The following SLCO1A2 variants were observed in gnomAD, a reference collection of about 807,000 sequenced individuals.
The protein encoded by SLCO1A2 is OATP-1.
In SLCO1A2, 67 loss-of-function variants were observed where a neutral mutation model predicts 69.0. That is an observed-to-expected ratio of 0.97 (90% CI 0.80 to 1.19). The LOEUF is 1.19. Among genes scored for constraint, SLCO1A2 ranks in the 50% most tolerant of loss-of-function variants. The pLI is 0.00. For missense variants in SLCO1A2, 787 were observed against 793.7 expected (o/e 0.99, Z 0.10); for synonymous variants, 260 against 265.9 (o/e 0.98, Z 0.22).
At chr12:21,314,927 GAGA>G (rs1468763159) in intron 3 of SLCO1A2, among the ~76,000 whole-genome samples, 2 of 152,190 alleles carry the variant, frequency 1.3e-5, no homozygotes, top group African/African-American at 4.8e-5. Flanking sequence ...TTACAGAGGG[GAGA>G]AGAAGAGAAG....
At chr12:21,419,530 A>C (rs1192439846), upstream of SLCO1A2, 1 of 153,920 alleles carries the variant, frequency 6.5e-6, no homozygotes, top group Non-Finnish European at 1.4e-5. Flanking sequence ...AAAATGGTGC[A>C]GCACGAGACT....
At chr12:21,275,474 T>TATC (rs1943653992) in intron 12 of SLCO1A2, 50 bp from the exon 13 acceptor site, 3 of 1,350,184 alleles carry the variant, frequency 2.2e-6, no homozygotes, top group Admixed American at 3.2e-5. Context: ...GATTTAAAAC[T>TATC]ATCATATTGT....
intron 1 of SLCO1A2, among the ~76,000 whole-genome samples, chr12:21,386,094 T>A (rs957041260): frequency 1.3e-5 from 2 of 152,190 alleles, no homozygotes; most frequent in African/African-American, 2.4e-5. Flanking sequence ...ATGTAAAGAA[T>A]GTCCTGCTGT....
At chr12:21,325,377 A>G (rs1952142704) in intron 2 of SLCO1A2, among the ~76,000 whole-genome samples, 1 of 152,138 alleles carries the variant, frequency 6.6e-6, no homozygotes, top group South Asian at 2.1e-4. Flanking sequence ...AATCCTATCA[A>G]CCTGTACATT....
At chr12:21,387,548 G>T (rs1321451836) in intron 1 of SLCO1A2, among the ~76,000 whole-genome samples, 1 of 152,224 alleles carries the variant, frequency 6.6e-6, no homozygotes, top group Non-Finnish European at 1.5e-5. Context: ...GTATGGTATT[G>T]ACCCTACGGG....
At chr12:21,316,508 C>G (rs1950881571) in intron 3 of SLCO1A2, among the ~76,000 whole-genome samples, 1 of 151,844 alleles carries the variant, frequency 6.6e-6, no homozygotes, top group Non-Finnish European at 1.5e-5. Flanking sequence ...AGTTCTTCAT[C>G]CTTGTCTAAC....
At chr12:21,349,144 A>G (rs569944992) in intron 2 of SLCO1A2, among the ~76,000 whole-genome samples, 2 of 152,262 alleles carry the variant, frequency 1.3e-5, no homozygotes, top group South Asian at 4.2e-4. Flanking sequence ...GTGAGGCAAT[A>G]ATATTTGTAT....
At chr12:21,324,310 TC>T (rs1229181635) in intron 2 of SLCO1A2, among the ~76,000 whole-genome samples, 1 of 152,238 alleles carries the variant, frequency 6.6e-6, no homozygotes, top group Non-Finnish European at 1.5e-5. Context: ...TCTCTAGCCC[TC>T]CTTTTCTATT....
In SLCO1A2 at chr12:21,297,468, G is replaced by A. The variant is rs756765834; in HGVS notation, c.1011C>T (p.Ser337=). 1.9e-6 allele frequency: 3 copies of A among 1,612,354 alleles called. No homozygotes were observed. Among genetic ancestry groups the A allele is most frequent in the Non-Finnish European group, 2.5e-6 (3 of 1,178,684 alleles). ...IQFNAFVNMI[S]FMPKYLEQQY... Reference sequence around the variant, plus strand: ...GCTGTTCTAGGTATTTAGGCATGAAGGAGATCATGTTAACGAATGCATTGA... The same window carrying A: ...GCTGTTCTAGGTATTTAGGCATGAAAGAGATCATGTTAACGAATGCATTGA... Residue 337 remains serine (S), a synonymous_variant, in exon 9 of 15, where the codon TCC becomes TCT. Coordinates refer to ENST00000683939, the MANE Select transcript of SLCO1A2 (RefSeq NM_001386879.1).
chr12:21,364,617 G>T (rs1939219337), intron 2 of SLCO1A2, among the ~76,000 whole-genome samples: 1 of 152,174 alleles, frequency 6.6e-6, no homozygotes, highest in Non-Finnish European at 1.5e-5. Flanking sequence ...TGTCCCTGTT[G>T]CAGAGGACAT....
chr12:21,332,616 G>A (rs2136949775), intron 2 of SLCO1A2, among the ~76,000 whole-genome samples: 1 of 152,186 alleles, frequency 6.6e-6, no homozygotes, highest in Non-Finnish European at 1.5e-5. Flanking sequence ...TTCAGTGCTG[G>A]GAGCAGGGGG....
intron 2 of SLCO1A2, among the ~76,000 whole-genome samples, chr12:21,329,134 C>T (rs910455134): frequency 5.3e-5 from 8 of 152,188 alleles, no homozygotes; most frequent in Non-Finnish European, 7.3e-5. Context: ...TCAACCCAAA[C>T]AAGCTCTTTC....
chr12:21,338,193 C>T (rs1437976083), upstream of SLCO1A2, among the ~76,000 whole-genome samples: 4 of 151,920 alleles, frequency 2.6e-5, no homozygotes, highest in Non-Finnish European at 5.9e-5. Context: ...CACTTGATAA[C>T]AGGATGAACT....
chr12:21,351,651 G>T (rs184061415), intron 2 of SLCO1A2, among the ~76,000 whole-genome samples: 32 of 151,808 alleles, frequency 2.1e-4, no homozygotes, highest in African/African-American at 7.7e-4. Context: ...GGTGGTGGGC[G>T]CCTGTAATCC....
intron 12 of SLCO1A2, among the ~76,000 whole-genome samples, chr12:21,278,038 G>A (rs7316412): frequency 7.2e-5 from 11 of 152,208 alleles, no homozygotes; most frequent in African/African-American, 2.7e-4. Flanking sequence ...GAGTCCTGGC[G>A]TAGCAGCATT....
intron 12 of SLCO1A2, among the ~76,000 whole-genome samples, chr12:21,276,387 GACACACACACACACACACACAC>G (rs3060629): frequency 0.091 from 12,908 of 141,954 alleles, 1,825 homozygotes; most frequent in African/African-American, 0.31. Context: ...GATAAATATG[GACACACACACACACACACACAC>G]ACACACACAC....
intron 1 of SLCO1A2, among the ~76,000 whole-genome samples, chr12:21,405,314 G>A (rs1303425834): frequency 6.6e-6 from 1 of 151,930 alleles, no homozygotes; most frequent in African/African-American, 2.4e-5. Context: ...CCTATCTCCT[G>A]AATAATATTG....
At chr12:21,291,591 A>C (rs1946856916) in intron 12 of SLCO1A2, among the ~76,000 whole-genome samples, 1 of 152,208 alleles carries the variant, frequency 6.6e-6, no homozygotes, top group African/African-American at 2.4e-5. Flanking sequence ...AGTTGAAAGA[A>C]GATTTATTTA....
intron 2 of SLCO1A2, among the ~76,000 whole-genome samples, chr12:21,329,855 A>G (rs904533769): frequency 2.6e-5 from 4 of 151,182 alleles, no homozygotes; most frequent in Non-Finnish European, 5.9e-5. Context: ...AGTAACCCAG[A>G]TTCCCATTGA....
Sources: allele counts gnomAD v4.1 joint callset (sites outside exome capture counted in the v4.1 genomes callset), GRCh38; gene constraint gnomAD v4.1.1; transcripts MANE v1.5; gene names NCBI Gene and HGNC (gene_info 2026-07-23, HGNC 2026-07-21).